IPO4: variants seen among roughly 807,000 people sequenced by gnomAD.
The protein encoded by IPO4 is importin-4.
In IPO4, 91 loss-of-function variants were observed where a neutral mutation model predicts 133.5. The observed-to-expected ratio is 0.68, with a 90% CI of 0.58 to 0.81. The LOEUF (loss-of-function observed/expected upper bound fraction) is 0.81, where lower values mean the gene tolerates loss of function less well. Among genes scored for constraint, IPO4 ranks in the 30% least tolerant of loss-of-function variants. IPO4 has a pLI of 0.00. For missense variants in IPO4, 1,279 were observed against 1,386.2 expected (o/e 0.92, Z 1.23); for synonymous variants, 607 against 581.6 (o/e 1.04, Z -0.63).
At chr14:24,183,971 G>GGGGGC in intron 18 of IPO4, 27 bp downstream of exon 18, 1 of 1,592,900 alleles carries the variant, frequency 6.3e-7, no homozygotes, top group Non-Finnish European at 8.6e-7. Context: ...GGGCAGGCCT[G>GGGGGC]GCCCAGCCCA....
intron 10 of IPO4, 33 bp downstream of exon 10, chr14:24,186,254 C>T: frequency 1.9e-6 from 3 of 1,604,710 alleles, no homozygotes; most frequent in Admixed American, 1.7e-5. Flanking sequence ...AGCCACCTAA[C>T]ACCTTCCCCC....
Position 24,188,600 on chromosome 14 carries a change from G to T in IPO4, c.108C>A (p.Ala36=), listed in dbSNP as rs777194581. The T allele has an allele frequency of 1.2e-6, 2 of 1,612,352 alleles. No individual in the cohort carries two copies. The highest frequency in any genetic ancestry group is 2.2e-5 in the South Asian group (2 of 90,986). ...EQLQIVLRAP[A]ALPALCDLLA... is the part of the protein sequence containing the mutation. ...GCAGGTCGCAGAGAGCCGGCAAAGCGGCGGGGGCCCGAAGAACGATCTGGA... is the reference window on the plus strand; with the variant it reads ...GCAGGTCGCAGAGAGCCGGCAAAGCTGCGGGGGCCCGAAGAACGATCTGGA... Residue 36 remains alanine (A), a synonymous_variant, in exon 2 of 30, where the codon GCC becomes GCA. Coordinates refer to ENST00000354464, the MANE Select transcript of IPO4 (RefSeq NM_024658.4).
chr14:24,184,111 T>TG lies in IPO4; in HGVS notation c.1758-3dup. ...GATAAGGCTGCAAATAGGCTGTACC[T>TG]GGTCAAAGCAGGCAGAAGAAGCTGT... On this transcript the variant is annotated splice_polypyrimidine_tract_variant and splice_region_variant and intron_variant, in intron 17 of 29. Coordinates refer to ENST00000354464, the MANE Select transcript of IPO4 (RefSeq NM_024658.4). The TG allele has an allele frequency of 1.2e-6, 2 of 1,611,522 alleles. No individual in the cohort carries two copies. The highest frequency in any genetic ancestry group is 1.3e-5 in the African/African-American group (1 of 74,962).
At chr14:24,184,577 C>A in intron 16 of IPO4, 73 bp downstream of exon 16, 1 of 1,410,828 alleles carries the variant, frequency 7.1e-7, no homozygotes, top group Non-Finnish European at 9.6e-7. Flanking sequence ...CCTGTGGGGG[C>A]AATCTGTCAA....
At position 24,184,848 on chromosome 14, in the gene IPO4, C is replaced by T. The variant is rs1418375881; in HGVS notation, c.1522+19G>A. 1 of 1,611,012 alleles carries T rather than the reference C, an allele frequency of 6.2e-7. No homozygotes were observed. Among genetic ancestry groups the T allele is most frequent in the South Asian group, 1.1e-5 (1 of 90,844 alleles). ...CTTTGGGTGAACCCCACATCCCTGC[C>T]TCCTGCCTCTCTCCTCACCAATGGC... is the stretch of plus-strand genomic sequence containing the variant. On this transcript the variant is annotated intron_variant, in intron 15 of 29. Coordinates refer to ENST00000354464, the MANE Select transcript of IPO4 (RefSeq NM_024658.4).
At position 24,186,696 on chromosome 14, in the gene IPO4, GCACT is replaced by G; in HGVS notation, c.840+8_840+11del. On this transcript the variant is annotated splice_region_variant and intron_variant, in intron 9 of 29. Transcript: ENST00000354464. ...GGGGTGGGGTGATGTGTGTCAATGG[GCACT>G]CACTTACCTTGCTCTTGACTTTGAC... The G allele has an allele frequency of 5.0e-6, 8 of 1,607,836 alleles. No homozygotes were observed. Among genetic ancestry groups the G allele is most frequent in the Non-Finnish European group, 6.0e-6 (7 of 1,174,530 alleles).
At chr14:24,187,286 G>T (rs1031946314) in intron 6 of IPO4, 114 bp downstream of exon 6, 4 of 1,468,348 alleles carry the variant, frequency 2.7e-6, no homozygotes, top group Non-Finnish European at 3.8e-6. Flanking sequence ...CCTCTCAATT[G>T]TCAGGAAGGG....
In IPO4 at chr14:24,186,906, A is replaced by G; in HGVS notation, c.728T>C (p.Leu243Pro). ...CAGGCAGAATGTGAGGACTTCAGAG[A>G]GGTAGGGGGTGATGACCGGCACCTC... is the stretch of plus-strand genomic sequence containing the variant. ...ESEVPVITPY[L>P]SEVLTFCLEV... Residue 243 changes from leucine to proline, a missense_variant, in exon 8 of 30, where the codon CTC becomes CCC. Leu to Pro is a moderately conservative substitution (Grantham distance 98). Transcript: ENST00000354464. The G allele has an allele frequency of 6.2e-7, 1 of 1,614,014 alleles. No homozygotes were observed. Among genetic ancestry groups the G allele is most frequent in the South Asian group, 1.1e-5 (1 of 91,082 alleles).
intron 2 of IPO4, 60 bp downstream of exon 2, chr14:24,188,492 A>T (rs1431385078): frequency 4.3e-5 from 69 of 1,607,756 alleles, no homozygotes; most frequent in Non-Finnish European, 5.8e-5. Flanking sequence ...GTGGGCGAAT[A>T]CTGGGGCTTG....
chr14:24,181,438 C>G, intron 28 of IPO4, 75 bp downstream of exon 28: 1 of 1,262,826 alleles, frequency 7.9e-7, no homozygotes, highest in Non-Finnish European at 1.1e-6. Flanking sequence ...AGCTCCCGAG[C>G]CTCATCAGCA....
In IPO4 at chr14:24,182,544, C is replaced by G. The variant is rs1300227465; in HGVS notation, c.2473-141G>C. 4.9e-6 allele frequency: 6 copies of G among 1,230,768 alleles called. No individual in the cohort carries two copies. In the East Asian group the frequency reaches 1.2e-4, roughly 25 times the overall value. 76.2% of individuals were successfully genotyped at this position (1,230,768 alleles called of 1,614,324 possible). ...CTGGCCCCTCTCAAGCTGGGTGTTTCCATGACCCAGCTTCTTCCCCTGGCT... is the reference window on the plus strand; with the variant it reads ...CTGGCCCCTCTCAAGCTGGGTGTTTGCATGACCCAGCTTCTTCCCCTGGCT... On this transcript the variant is annotated intron_variant, in intron 24 of 29. Coordinates refer to ENST00000354464, the MANE Select transcript of IPO4 (RefSeq NM_024658.4).
At chr14:24,185,139 G>A (rs372243274) in intron 14 of IPO4, 44 bp downstream of exon 14, 12 of 1,611,328 alleles carry the variant, frequency 7.4e-6, no homozygotes, top group African/African-American at 1.3e-5. Context: ...AGCCAAAGCC[G>A]CCGCCTCATC....
rs2039235437 is a variant in IPO4 at position 24,187,178 on chromosome 14, T to TGCAGCCCAATCTC, written c.589-41_589-29dup. The TGCAGCCCAATCTC allele has an allele frequency of 1.9e-6, 3 of 1,607,170 alleles. No individual in the cohort carries two copies. In the African/African-American group the frequency reaches 4.0e-5, roughly 21 times the overall value. On this transcript the variant is annotated intron_variant, in intron 6 of 29. Coordinates refer to ENST00000354464, the MANE Select transcript of IPO4 (RefSeq NM_024658.4). ...GAGGGACACATCACAGAGAGCATGA[T>TGCAGCCCAATCTC]GCAGCCCAATCTCACACCCCAGCAG...
chr14:24,188,744 A>C lies in IPO4; in HGVS notation c.44T>G (p.Leu15Arg). The stretch of plus-strand genomic sequence containing the variant: ...CCGACGGATGCGCTCGGTGTCCGGT[A>C]GCAGCAGCTCCCGTAGGAGCTGCTC... ...GLEQLLRELLLPDTERIRRAT... is the reference protein window; with the variant it reads ...GLEQLLRELLRPDTERIRRAT... The change falls in exon 1 of 30, where the codon CTA becomes CGA. Residue 15 changes from leucine (L) to arginine (R), a missense_variant. Around this residue, in one of 3 missense-constraint regions of IPO4, gnomAD observed 695 missense variants for 704.1 expected, o/e 0.99. Coordinates refer to ENST00000354464, the MANE Select transcript of IPO4 (RefSeq NM_024658.4). The C allele has an allele frequency of 6.5e-7, 1 of 1,548,120 alleles. No individual in the cohort carries two copies. Among genetic ancestry groups the C allele is most frequent in the Non-Finnish European group, 8.7e-7 (1 of 1,145,928 alleles).
intron 4 of IPO4, 93 bp downstream of exon 4, chr14:24,188,123 C>T: frequency 7.5e-7 from 1 of 1,325,156 alleles, no homozygotes; most frequent in Non-Finnish European, 1.1e-6. Flanking sequence ...GAACTGAAGT[C>T]CCTGCCCCAC....
At position 24,182,956 on chromosome 14, in the gene IPO4, A is replaced by G. The variant is rs1356880906; in HGVS notation, c.2421+20T>C. ...GAGGCCCAGCACCTCTCCTTCCCGA[A>G]GCCCACCTGCCCTGCTCACCTTCCT... is the stretch of plus-strand genomic sequence containing the variant. On this transcript the variant is annotated intron_variant, in intron 23 of 29. Transcript: ENST00000354464. 1.2e-6 allele frequency: 2 copies of G among 1,613,174 alleles called. No individual in the cohort carries two copies.
At chr14:24,185,032 GC>G (rs778422729) in intron 14 of IPO4, 52 bp from the exon 15 acceptor site, 1 of 1,590,086 alleles carries the variant, frequency 6.3e-7, no homozygotes, top group Admixed American at 1.7e-5. Context: ...CTACCTGCAC[GC>G]CCACCTCCCT....
In IPO4 at chr14:24,185,552, C is replaced by T. The variant is rs1387650005; in HGVS notation, c.1185G>A (p.Leu395=). ...DHIRQRLLPP[L]LQIVCKGLED... is the part of the protein sequence containing the mutation. Reference sequence around the variant, plus strand: ...CCAGGCCCTTGCACACAATCTGCAGCAGTGGGGGCAGCAGTCTGGATGGGG... The same window carrying T: ...CCAGGCCCTTGCACACAATCTGCAGTAGTGGGGGCAGCAGTCTGGATGGGG... The change falls in exon 13 of 30, where the codon CTG becomes CTA. Residue 395 remains leucine (L), a synonymous_variant. Coordinates refer to ENST00000354464, the MANE Select transcript of IPO4 (RefSeq NM_024658.4). 2 of 1,614,030 alleles carry T rather than the reference C, an allele frequency of 1.2e-6. No homozygotes were observed. The highest frequency in any genetic ancestry group is 1.1e-5 in the South Asian group (1 of 91,080).
chr14:24,183,844 C>T lies in IPO4; in HGVS notation c.1924G>A (p.Glu642Lys). ...FLLFDDESDG[E>K]EEEELMDEDV... ...TCATCCATGAGCTCCTCCTCTTCTTCCCCATCACTCTCATCGTCAAACAGA... is the reference window on the plus strand; with the variant it reads ...TCATCCATGAGCTCCTCCTCTTCTTTCCCATCACTCTCATCGTCAAACAGA... Residue 642 changes from glutamate to lysine, a missense_variant, in exon 19 of 30, where the codon GAA becomes AAA. Transcript: ENST00000354464. 1 of 1,614,120 alleles carries T rather than the reference C, an allele frequency of 6.2e-7. No homozygotes were observed. Among genetic ancestry groups the T allele is most frequent in the Non-Finnish European group, 8.5e-7 (1 of 1,179,998 alleles).
Sources: gnomAD v4.1 joint callset for allele counts on GRCh38, gnomAD v4.1.1 for gene constraint, gnomAD v4.1.1 regional missense constraint, MANE v1.5 for transcripts, NCBI Gene and HGNC (gene_info 2026-07-23, HGNC 2026-07-21) for gene names.